DGKB: variants seen among roughly 807,000 people sequenced by gnomAD.
The protein encoded by DGKB is diacylglycerol kinase beta.
A neutral mutation model predicts 114.3 loss-of-function variants in DGKB; 67 were observed. That is an observed-to-expected ratio of 0.59 (90% CI 0.48 to 0.72). The LOEUF is 0.72. DGKB is among the 30% of genes least tolerant of loss of function. DGKB has a pLI of 0.00. For missense variants in DGKB, 907 were observed against 975.2 expected, an observed-to-expected ratio of 0.93 and a Z score of 0.93; for synonymous variants, 398 against 323.1, an observed-to-expected ratio of 1.23 and a Z score of -2.49.
intron 14 of DGKB, among the ~76,000 whole-genome samples, chr7:14,624,555 C>G (rs1213800564): frequency 1.3e-5 from 2 of 152,068 alleles, no homozygotes; most frequent in African/African-American, 2.4e-5. Context: ...TTTGGCCACA[C>G]GTATAGCTAG....
At chr7:14,757,454 T>C (rs976807435) in intron 3 of DGKB, among the ~76,000 whole-genome samples, 22 of 151,628 alleles carry the variant, frequency 1.5e-4, no homozygotes, top group African/African-American at 4.4e-4. Flanking sequence ...TTATGATACA[T>C]GGTAAATGGT....
intron 2 of DGKB, among the ~76,000 whole-genome samples, chr7:14,805,772 T>C (rs558457386): frequency 4.0e-5 from 6 of 151,792 alleles, no homozygotes; most frequent in African/African-American, 1.4e-4. Flanking sequence ...CCAAGGAAAT[T>C]ATGCTTATGC....
chr7:14,231,032 T>C (rs1013686746), intron 23 of DGKB, among the ~76,000 whole-genome samples: 3 of 152,112 alleles, frequency 2.0e-5, no homozygotes, highest in African/African-American at 7.2e-5. Context: ...TGTTGTTCAT[T>C]GTTGGCTGAC....
At chr7:14,645,845 T>C (rs1344061329) in intron 13 of DGKB, among the ~76,000 whole-genome samples, 1 of 151,998 alleles carries the variant, frequency 6.6e-6, no homozygotes, top group East Asian at 1.9e-4. Flanking sequence ...GAGTTCAACA[T>C]CTGAAGGCAA....
chr7:14,252,180 T>A (rs929619123), intron 23 of DGKB, among the ~76,000 whole-genome samples: 2 of 152,144 alleles, frequency 1.3e-5, no homozygotes, highest in Non-Finnish European at 2.9e-5. Context: ...TCTTTCAGGT[T>A]TTTTATTCTT....
intron 3 of DGKB, 59 bp from the exon 4 acceptor site, chr7:14,754,007 A>C: frequency 8.9e-7 from 1 of 1,125,364 alleles, no homozygotes; most frequent in Non-Finnish European, 1.3e-6. Context: ...TATACTCATT[A>C]TCTCATATCT....
At chr7:14,168,318 C>A (rs1784900434) in intron 25 of DGKB, among the ~76,000 whole-genome samples, 1 of 152,102 alleles carries the variant, frequency 6.6e-6, no homozygotes, top group Non-Finnish European at 1.5e-5. Flanking sequence ...ATCTATGAGA[C>A]AATACATAAA....
At chr7:14,877,528 C>A (rs919345361) in intron 1 of DGKB, among the ~76,000 whole-genome samples, 5 of 152,048 alleles carry the variant, frequency 3.3e-5, no homozygotes, top group African/African-American at 1.2e-4. Context: ...GCACTCCAGC[C>A]CGGGGAAAAA....
At chr7:14,420,220 T>C (rs1423988659) in intron 21 of DGKB, among the ~76,000 whole-genome samples, 1 of 151,886 alleles carries the variant, frequency 6.6e-6, no homozygotes, top group Non-Finnish European at 1.5e-5. Context: ...GTATTCTGTT[T>C]ATATTTTGTA....
intron 1 of DGKB, among the ~76,000 whole-genome samples, chr7:14,965,697 C>T (rs1210968705): frequency 1.3e-5 from 2 of 151,964 alleles, no homozygotes; most frequent in Non-Finnish European, 2.9e-5. Context: ...AGCAAAACCA[C>T]CCTTCATGCC....
At chr7:14,688,030 G>A (rs1260170240) in intron 9 of DGKB, among the ~76,000 whole-genome samples, 1 of 152,144 alleles carries the variant, frequency 6.6e-6, no homozygotes, top group East Asian at 1.9e-4. Context: ...ATATGTATGT[G>A]ACTTCTTTAA....
At chr7:14,176,206 G>T in intron 25 of DGKB, 2 of 291,340 alleles carry the variant, frequency 6.9e-6, no homozygotes, top group Non-Finnish European at 1.0e-5. Context: ...TACACTGTTG[G>T]TCTTGTTCAT....
At chr7:14,698,639 T>G (rs552096951) in intron 7 of DGKB, among the ~76,000 whole-genome samples, 73 of 152,264 alleles carry the variant, frequency 4.8e-4, no homozygotes, top group African/African-American at 1.5e-3. Context: ...TAATTTGCTC[T>G]TGAAAGAAGA....
intron 17 of DGKB, among the ~76,000 whole-genome samples, chr7:14,592,078 T>C (rs1469426838): frequency 6.6e-6 from 1 of 151,734 alleles, no homozygotes; most frequent in Non-Finnish European, 1.5e-5. Context: ...AGATTAAGTA[T>C]ATAAAATAAA....
At chr7:14,374,334 C>T (rs1325046156) in intron 21 of DGKB, among the ~76,000 whole-genome samples, 1 of 152,078 alleles carries the variant, frequency 6.6e-6, no homozygotes, top group East Asian at 1.9e-4. Flanking sequence ...CCAGAGACAC[C>T]TCTTAAAAAC....
chr7:14,582,896 C>T (rs1479618432), intron 18 of DGKB, among the ~76,000 whole-genome samples, 156 bp downstream of exon 18: 1 of 152,128 alleles, frequency 6.6e-6, no homozygotes, highest in African/African-American at 2.4e-5. Flanking sequence ...AATTTTTGAA[C>T]TACAGAATAA....
At chr7:14,962,155 T>TA (rs1285418619) in intron 1 of DGKB, among the ~76,000 whole-genome samples, 1 of 152,160 alleles carries the variant, frequency 6.6e-6, no homozygotes, top group Non-Finnish European at 1.5e-5. Context: ...TCATTATGTA[T>TA]GAAATGGTTT....
intron 25 of DGKB, among the ~76,000 whole-genome samples, chr7:14,155,638 A>G (rs1782899807): frequency 6.6e-6 from 1 of 152,092 alleles, no homozygotes; most frequent in Non-Finnish European, 1.5e-5. Context: ...ATGGGAACAG[A>G]GTGGAGGCAG....
At chr7:14,922,070 G>A (rs141641103) in intron 1 of DGKB, among the ~76,000 whole-genome samples, 6 of 152,132 alleles carry the variant, frequency 3.9e-5, no homozygotes, top group South Asian at 2.1e-4. Context: ...GACAAAGAGC[G>A]TCTTTCCTTA....
Sources: gnomAD v4.1 joint callset for allele counts (sites outside exome capture counted in the v4.1 genomes callset) on GRCh38, gnomAD v4.1.1 for gene constraint, MANE v1.5 for transcripts, NCBI Gene and HGNC (gene_info 2026-07-23, HGNC 2026-07-21) for gene names.